The following FAM13A variants were observed in gnomAD, a reference collection of about 807,000 sequenced individuals.
The protein encoded by FAM13A is family with sequence similarity 13 member A.
Under a neutral mutation model 129.6 loss-of-function variants are expected in FAM13A, and 76 were observed. That is an observed-to-expected ratio of 0.59 (90% confidence interval 0.49 to 0.71). FAM13A has a LOEUF of 0.71. Among genes scored for constraint, FAM13A ranks in the 30% least tolerant of loss-of-function variants. The pLI is 0.00. For missense variants in FAM13A, 1,108 were observed against 1,249.3 expected (o/e 0.89, Z 1.70); for synonymous variants, 443 against 449.9 (o/e 0.98, Z 0.20).
chr4:88,866,459 C>G (rs1020621602), intron 6 of FAM13A, among the ~76,000 whole-genome samples: 8 of 152,162 alleles, frequency 5.3e-5, no homozygotes, highest in African/African-American at 1.9e-4. Context: ...GGATTATAGG[C>G]GTGAGTGACT....
At position 88,813,786 on chromosome 4, in the gene FAM13A, G is replaced by A. The variant is rs114212473; in HGVS notation, c.1008-8734C>T. On this transcript the variant is annotated intron_variant, in intron 7 of 23. Coordinates refer to ENST00000264344, the MANE Select transcript of FAM13A (RefSeq NM_014883.4). ...GTTTCTGACATCATCTTGACTTTCC[G>A]CTGCTTTTTAGGATGATGAGCAGCA... Among the ~76,000 whole-genome samples, 765 of 152,196 alleles carry A rather than the reference G, an allele frequency of 5.0e-3. 6 individuals are homozygous for A. Among genetic ancestry groups the A allele is most frequent in the African/African-American group, 0.017 (720 of 41,524 alleles).
intron 4 of FAM13A, among the ~76,000 whole-genome samples, chr4:88,940,680 G>T (rs1264988107): frequency 6.6e-6 from 1 of 152,180 alleles, no homozygotes; most frequent in African/African-American, 2.4e-5. Context: ...TCAAAAGCTG[G>T]TTTTATGCAG....
chr4:88,867,714 TTGGAGAAGGATA>T lies in FAM13A; in HGVS notation c.844-16543_844-16532del, dbSNP rs1740693351. 3.9e-5 allele frequency among the ~76,000 whole-genome samples: 6 copies of T among 152,298 alleles called. No homozygotes were observed. In the South Asian group the frequency reaches 8.3e-4, roughly 21 times the overall value. ...AAAACACTGAGGTGAATGAAGCAAG[TTGGAGAAGGATA>T]TGTACAGCATGATACTTCAACAAAT... On this transcript the variant is annotated intron_variant, in intron 6 of 23. Coordinates refer to ENST00000264344, the MANE Select transcript of FAM13A (RefSeq NM_014883.4).
chr4:89,027,046 C>T (rs188854131), intron 2 of FAM13A, among the ~76,000 whole-genome samples: 1 of 152,150 alleles, frequency 6.6e-6, no homozygotes, highest in Admixed American at 6.6e-5. Context: ...TTACAGTAGA[C>T]CCACCTTACC....
chr4:88,972,539 G>A (rs1435551503), intron 4 of FAM13A, among the ~76,000 whole-genome samples: 2 of 151,944 alleles, frequency 1.3e-5, no homozygotes, highest in Non-Finnish European at 2.9e-5. Flanking sequence ...GACCTCAAGT[G>A]ACCCACCTAC....
At chr4:88,778,354 T>C (rs2149599840) in intron 11 of FAM13A, among the ~76,000 whole-genome samples, 1 of 152,334 alleles carries the variant, frequency 6.6e-6, no homozygotes, top group South Asian at 2.1e-4. Context: ...CTTGGAATCA[T>C]CTTTGACTCC....
At chr4:88,922,901 A>G (rs1257468451) in intron 5 of FAM13A, among the ~76,000 whole-genome samples, 1 of 152,334 alleles carries the variant, frequency 6.6e-6, no homozygotes, top group South Asian at 2.1e-4. Context: ...TCAAACTACC[A>G]TCAGAGAATA....
At chr4:89,010,191 C>T (rs1560781204) in intron 3 of FAM13A, among the ~76,000 whole-genome samples, 1 of 152,160 alleles carries the variant, frequency 6.6e-6, no homozygotes, top group Admixed American at 6.5e-5. Flanking sequence ...ATTTGTAACC[C>T]TGCTAAACTA....
chr4:88,960,011 G>T (rs899634294), intron 4 of FAM13A, among the ~76,000 whole-genome samples: 1 of 152,088 alleles, frequency 6.6e-6, no homozygotes, highest in East Asian at 1.9e-4. Context: ...CACTTAAATC[G>T]CTTTGAGAAT....
intron 9 of FAM13A, among the ~76,000 whole-genome samples, chr4:88,788,721 T>C (rs572348160): frequency 1.0e-3 from 159 of 152,266 alleles, no homozygotes; most frequent in Admixed American, 3.3e-3. Flanking sequence ...CCAAATAAGC[T>C]GGTATGGAAA....
chr4:88,888,606 A>G (rs1053221693), intron 6 of FAM13A, among the ~76,000 whole-genome samples: 1 of 152,052 alleles, frequency 6.6e-6, no homozygotes, highest in Non-Finnish European at 1.5e-5. Flanking sequence ...CCCAGACTAA[A>G]CAAGCCTTTG....
intron 1 of FAM13A, among the ~76,000 whole-genome samples, chr4:89,033,402 T>C (rs1768963360): frequency 6.6e-6 from 1 of 152,068 alleles, no homozygotes. Flanking sequence ...GAGATGCCAG[T>C]AAAGTGCTCC....
intron 7 of FAM13A, among the ~76,000 whole-genome samples, chr4:88,820,568 A>G (rs1731699541): frequency 6.6e-6 from 1 of 152,220 alleles, no homozygotes; most frequent in Non-Finnish European, 1.5e-5. Flanking sequence ...TAAATATGCT[A>G]TTTGGAGATG....
chr4:88,826,034 A>T (rs941631819), intron 7 of FAM13A, among the ~76,000 whole-genome samples: 2 of 152,046 alleles, frequency 1.3e-5, no homozygotes, highest in Non-Finnish European at 2.9e-5. Context: ...TACTTTTCTT[A>T]TTTCTATTTC....
intron 7 of FAM13A, among the ~76,000 whole-genome samples, chr4:88,821,614 G>A (rs1268247184): frequency 6.6e-6 from 1 of 152,008 alleles, no homozygotes; most frequent in South Asian, 2.1e-4. Context: ...AATACAATTC[G>A]CTTAAAACCC....
At chr4:88,834,190 G>T in intron 7 of FAM13A, among the ~76,000 whole-genome samples, 1 of 145,194 alleles carries the variant, frequency 6.9e-6, no homozygotes, top group Admixed American at 6.9e-5. Flanking sequence ...GGGATTATAG[G>T]CGTGAGCCGC....
chr4:88,826,001 G>T (rs1732925338), intron 7 of FAM13A, among the ~76,000 whole-genome samples: 1 of 152,080 alleles, frequency 6.6e-6, no homozygotes, highest in African/African-American at 2.4e-5. Context: ...CCCAGCCACT[G>T]CCAGAGTTCT....
chr4:89,020,066 C>T (rs1006489645), intron 3 of FAM13A, among the ~76,000 whole-genome samples: 8 of 151,970 alleles, frequency 5.3e-5, no homozygotes, highest in Non-Finnish European at 8.8e-5. Flanking sequence ...TTCAATATTA[C>T]GTTACTGAAG....
intron 13 of FAM13A, among the ~76,000 whole-genome samples, chr4:88,763,720 C>T (rs577519312): frequency 1.3e-5 from 2 of 152,292 alleles, no homozygotes; most frequent in South Asian, 4.1e-4. Context: ...TTATCAGAGC[C>T]AGGAATGACA....
Sources: gnomAD v4.1 joint callset for allele counts (sites outside exome capture counted in the v4.1 genomes callset) on GRCh38, gnomAD v4.1.1 for gene constraint, MANE v1.5 for transcripts, NCBI Gene and HGNC (gene_info 2026-07-23, HGNC 2026-07-21) for gene names.